The following DACH2 variants were observed in gnomAD, a reference collection of about 807,000 sequenced individuals.
DACH2 encodes dachshund homolog 2.
In DACH2, 17 loss-of-function variants were observed where a neutral mutation model predicts 35.8. The observed-to-expected ratio is 0.48, with a 90% confidence interval of 0.33 to 0.71. The LOEUF (loss-of-function observed/expected upper bound fraction) is 0.71. DACH2 is among the 30% of genes least tolerant of loss of function. The pLI is 0.02. For missense variants in DACH2, 469 were observed against 472.7 expected, an observed-to-expected ratio of 0.99 and a Z score of 0.07; for synonymous variants, 195 against 177.3, an observed-to-expected ratio of 1.10 and a Z score of -0.79.
At chrX:86,245,719 C>T (rs1430957713) in intron 1 of DACH2, among the ~76,000 whole-genome samples, 1 of 111,630 alleles carries the variant, frequency 9.0e-6, no homozygotes, top group East Asian at 2.8e-4. Context: ...GAATATCAGC[C>T]CACACAGGAG....
intron 7 of DACH2, among the ~76,000 whole-genome samples, chrX:86,797,727 G>A (rs2042253053): frequency 9.0e-6 from 1 of 111,624 alleles, no homozygotes; most frequent in Admixed American, 9.6e-5. Flanking sequence ...ATATAAAACA[G>A]CAACTTCAAA....
intron 2 of DACH2, among the ~76,000 whole-genome samples, chrX:86,438,219 G>GTTTT (rs695264): frequency 7.4e-5 from 6 of 81,137 alleles, no homozygotes; most frequent in African/African-American, 1.1e-4. Context: ...GATCTCGTAG[G>GTTTT]TTTTTTTTTT....
At chrX:86,830,984 G>A (rs2042606325) in intron 11 of DACH2, 1 of 110,892 alleles carries the variant, frequency 9.0e-6, no homozygotes, top group Non-Finnish European at 1.9e-5. Flanking sequence ...GAATTCCATG[G>A]GCTTCTTGGG....
At chrX:86,340,123 C>G (rs1187906246) in intron 1 of DACH2, among the ~76,000 whole-genome samples, 1 of 111,686 alleles carries the variant, frequency 9.0e-6, no homozygotes, top group Non-Finnish European at 1.9e-5. Flanking sequence ...GCTGATTTTC[C>G]TAGGATACCT....
chrX:86,577,347 A>G (rs1411851232), intron 3 of DACH2, among the ~76,000 whole-genome samples: 1 of 111,079 alleles, frequency 9.0e-6, no homozygotes, highest in Non-Finnish European at 1.9e-5. Context: ...AGCCTTCTTT[A>G]TAGCAAAATT....
At chrX:86,586,076 T>A (rs1602672265) in intron 3 of DACH2, among the ~76,000 whole-genome samples, 2 of 111,839 alleles carry the variant, frequency 1.8e-5, no homozygotes, top group Middle Eastern at 4.6e-3. Flanking sequence ...TAGCATTTGT[T>A]ATTTTTTTCA....
intron 2 of DACH2, among the ~76,000 whole-genome samples, chrX:86,471,056 T>A (rs1241789158): frequency 8.9e-6 from 1 of 111,773 alleles, no homozygotes; most frequent in African/African-American, 3.2e-5. Context: ...ATATATTTTC[T>A]TTAACAATTA....
intron 4 of DACH2, among the ~76,000 whole-genome samples, chrX:86,691,965 G>A (rs1393305827): frequency 9.0e-6 from 1 of 111,577 alleles, no homozygotes; most frequent in Non-Finnish European, 1.9e-5. Context: ...TTGACAAAGA[G>A]GCATAAAAAA....
chrX:86,479,692 G>A (rs1468491169), intron 2 of DACH2, among the ~76,000 whole-genome samples: 2 of 111,708 alleles, frequency 1.8e-5, no homozygotes, highest in African/African-American at 6.5e-5. Flanking sequence ...CTGTAACTAT[G>A]TATTTCAATT....
intron 3 of DACH2, among the ~76,000 whole-genome samples, chrX:86,648,635 T>G (rs1288940320): frequency 1.8e-5 from 2 of 110,901 alleles, no homozygotes; most frequent in East Asian, 5.6e-4. Flanking sequence ...ATTTAAGAGT[T>G]TCATAAGCTT....
chrX:86,529,822 C>T (rs769253442), intron 3 of DACH2, among the ~76,000 whole-genome samples: 140 of 110,468 alleles, frequency 1.3e-3, no homozygotes, highest in South Asian at 3.1e-3. Flanking sequence ...GTGATGTTTG[C>T]CTTTCTGTGC....
At chrX:86,642,155 C>T (rs1032235106) in intron 3 of DACH2, among the ~76,000 whole-genome samples, 1 of 111,454 alleles carries the variant, frequency 9.0e-6, no homozygotes, top group African/African-American at 3.3e-5. Context: ...TTAAAAGGTA[C>T]ATAGTGGTAA....
intron 3 of DACH2, among the ~76,000 whole-genome samples, chrX:86,597,413 T>A (rs1478004540): frequency 8.9e-6 from 1 of 112,332 alleles, no homozygotes; most frequent in Non-Finnish European, 1.9e-5. Context: ...TTCCTTGTGA[T>A]CTCATCTTTC....
chrX:86,723,304 G>A (rs1040346390), intron 6 of DACH2, among the ~76,000 whole-genome samples: 1 of 101,807 alleles, frequency 9.8e-6, no homozygotes, highest in African/African-American at 3.6e-5. Flanking sequence ...ATTTCATTTA[G>A]TTCTGCTCCG....
At chrX:86,748,189 G>T (rs1396754021) in intron 7 of DACH2, among the ~76,000 whole-genome samples, 4 of 111,800 alleles carry the variant, frequency 3.6e-5, no homozygotes, top group Non-Finnish European at 7.5e-5. Context: ...CATCCACAAG[G>T]GTTGGAATAA....
At chrX:86,635,328 T>TAAA (rs77223425) in intron 3 of DACH2, among the ~76,000 whole-genome samples, 4 of 86,196 alleles carry the variant, frequency 4.6e-5, no homozygotes, top group Non-Finnish European at 9.0e-5. Context: ...TCCATAGTGT[T>TAAA]AAAAAAAAAA....
chrX:86,705,483 T>G (rs1356234288), intron 5 of DACH2, among the ~76,000 whole-genome samples: 1 of 111,076 alleles, frequency 9.0e-6, no homozygotes, highest in Non-Finnish European at 1.9e-5. Flanking sequence ...CAAGAGCATA[T>G]GAGAAAATGC....
chrX:86,571,308 T>C (rs2039364240), intron 3 of DACH2, among the ~76,000 whole-genome samples: 1 of 110,754 alleles, frequency 9.0e-6, no homozygotes, highest in Non-Finnish European at 1.9e-5. Flanking sequence ...TTATTATTAT[T>C]ATTATACTTT....
intron 1 of DACH2, among the ~76,000 whole-genome samples, chrX:86,372,751 G>A (rs1438797320): frequency 9.0e-6 from 1 of 111,025 alleles, no homozygotes; most frequent in Non-Finnish European, 1.9e-5. Flanking sequence ...GAGGTTTGAG[G>A]TGTGAATGAT....
Sources: allele counts gnomAD v4.1 joint callset (sites outside exome capture counted in the v4.1 genomes callset), GRCh38; gene constraint gnomAD v4.1.1; transcripts MANE v1.5; gene names NCBI Gene and HGNC (gene_info 2026-07-23, HGNC 2026-07-21).